STK4: variants seen among roughly 807,000 people sequenced by gnomAD.
STK4 encodes the protein serine/threonine kinase 4.
STK4 carries 30 observed loss-of-function variants against 64.9 expected under a neutral mutation model. That is an observed-to-expected ratio of 0.46 (90% CI 0.35 to 0.63). The LOEUF (loss-of-function observed/expected upper bound fraction) is 0.63, where lower values mean the gene tolerates loss of function less well. Ranked by LOEUF, STK4 falls within the 20% of genes least tolerant of loss-of-function variation. The pLI is 0.01. For synonymous variants in STK4, 177 were observed against 199.0 expected (o/e 0.89, Z 0.93); for missense variants, 466 against 598.5 (o/e 0.78, Z 2.31).
chr20:44,990,327 G>C (rs2067608686), intron 5 of STK4, among the ~76,000 whole-genome samples: 1 of 150,266 alleles, frequency 6.7e-6, no homozygotes, highest in Non-Finnish European at 1.5e-5. Context: ...CTTATTTTCA[G>C]ATTGTTCATT....
chr20:44,998,879 T>A (rs887453660), intron 7 of STK4, among the ~76,000 whole-genome samples: 2 of 152,104 alleles, frequency 1.3e-5, no homozygotes, highest in Non-Finnish European at 2.9e-5. Flanking sequence ...GAGACCAGCC[T>A]GGCCAACATG....
chr20:45,068,941 A>G (rs1979820424), intron 10 of STK4, among the ~76,000 whole-genome samples: 2 of 152,228 alleles, frequency 1.3e-5, no homozygotes, highest in Admixed American at 6.5e-5. Flanking sequence ...TAAACTAAAA[A>G]TATGTCTACT....
At chr20:44,984,577 T>A (rs560906095) in intron 4 of STK4, among the ~76,000 whole-genome samples, 144 of 152,302 alleles carry the variant, frequency 9.5e-4, no homozygotes, top group African/African-American at 3.2e-3. Flanking sequence ...TGATATCCAC[T>A]AGCCGCATGT....
In STK4 at chr20:44,972,273, T is replaced by G; in HGVS notation, c.116+115T>G. 4 of 869,368 alleles carry G rather than the reference T, an allele frequency of 4.6e-6. No homozygotes were observed. In the East Asian group the frequency reaches 7.5e-5, roughly 16 times the overall value. The allele number at this position is 869,368 out of a possible 1,614,324, so 53.9% of individuals were successfully genotyped here. A position where few individuals can be genotyped will look rare whatever the true frequency, so the allele number is the denominator to read the frequency against. On this transcript the variant is annotated intron_variant, in intron 2 of 10. Coordinates refer to ENST00000372806, the MANE Select transcript of STK4 (RefSeq NM_006282.5). The stretch of plus-strand genomic sequence containing the variant: ...GTTCTAGGTGGGGTGGAAGGTAAAT[T>G]TACAGCTTGTGATGTCCTTCTTCGC...
intron 7 of STK4, among the ~76,000 whole-genome samples, chr20:44,998,405 T>C (rs551306966): frequency 6.6e-5 from 10 of 152,332 alleles, no homozygotes; most frequent in African/African-American, 2.4e-4. Context: ...GTGTGTTACT[T>C]TGAACAATGT....
rs1980778732 is a variant in STK4 at position 45,079,916 on chromosome 20, C to G, written c.*4740C>G. ...TTCTTTTCTTCTTCCTATACCTCAT[C>G]ACGTTTGTTTTAAATAAACTGTCCT... On this transcript the variant is annotated 3_prime_UTR_variant, in exon 11 of 11. Transcript: ENST00000372806. The G allele has an allele frequency of 6.6e-6, 1 of 152,260 alleles. No homozygotes were observed. Among genetic ancestry groups the G allele is most frequent in the Non-Finnish European group, 1.5e-5 (1 of 68,022 alleles). The allele number at this position is 152,260 out of a possible 1,614,324, so 9.4% of individuals were successfully genotyped here. A position where few individuals can be genotyped will look rare whatever the true frequency, so the allele number is the denominator to read the frequency against.
chr20:45,072,061 C>T (rs554003314), intron 10 of STK4, among the ~76,000 whole-genome samples: 3 of 152,272 alleles, frequency 2.0e-5, no homozygotes, highest in South Asian at 4.1e-4. Context: ...CCATGCCCAG[C>T]GTGAATACCT....
intron 10 of STK4, among the ~76,000 whole-genome samples, chr20:45,056,679 C>T (rs1411453192): frequency 2.0e-5 from 3 of 152,152 alleles, no homozygotes; most frequent in Admixed American, 6.5e-5. Flanking sequence ...TTCACTTGCA[C>T]GCTTCCTCCT....
intron 9 of STK4, among the ~76,000 whole-genome samples, chr20:45,015,223 C>T (rs2068120084): frequency 1.3e-5 from 2 of 152,192 alleles, no homozygotes; most frequent in Admixed American, 1.3e-4. Context: ...TTTACTTCAA[C>T]ACCGTCCATC....
At chr20:45,002,059 TCTC>T (rs960966239) in intron 9 of STK4, among the ~76,000 whole-genome samples, 4 of 152,194 alleles carry the variant, frequency 2.6e-5, no homozygotes, top group African/African-American at 9.7e-5. Context: ...AGATTGCCCT[TCTC>T]CTCCCCTCCT....
intron 9 of STK4, among the ~76,000 whole-genome samples, chr20:45,019,099 GT>G (rs1303464479): frequency 1.3e-5 from 2 of 152,072 alleles, no homozygotes; most frequent in Non-Finnish European, 2.9e-5. Flanking sequence ...AGAATTCAGT[GT>G]TTTTTTAGGA....
chr20:45,004,414 T>C (rs962473977), intron 9 of STK4: 7 of 152,056 alleles, frequency 4.6e-5, no homozygotes, highest in Non-Finnish European at 1.0e-4. Flanking sequence ...ATTTTTTCTT[T>C]GTTTTTCTCC....
At chr20:44,967,113 T>A (rs1245802450) in intron 1 of STK4, 1 of 982,600 alleles carries the variant, frequency 1.0e-6, no homozygotes. Flanking sequence ...CGAGGAAAGG[T>A]TGAGGGTCTA....
At chr20:44,973,733 TG>T (rs2145634765) in intron 2 of STK4, among the ~76,000 whole-genome samples, 1 of 152,356 alleles carries the variant, frequency 6.6e-6, no homozygotes, top group African/African-American at 2.4e-5. Context: ...CTTACTATTT[TG>T]GAGGCTCACA....
In STK4 at chr20:45,024,904, T is replaced by C. The variant is rs188177428; in HGVS notation, c.1148-69T>C. 1.5e-4 allele frequency: 214 copies of C among 1,398,148 alleles called. No individual in the cohort carries two copies. In the African/African-American group the frequency reaches 2.8e-3, roughly 18 times the overall value. The allele number at this position is 1,398,148 out of a possible 1,614,324, so 86.6% of individuals were successfully genotyped here. ...AGAGATTGTAGCCCATCTGGAGATA[T>C]GTCTATTTATTAAACTTACCTAAAA... On this transcript the variant is annotated intron_variant, in intron 9 of 10. Transcript: ENST00000372806.
At chr20:44,982,861 A>AACAATAGTT (rs1176105866) in intron 4 of STK4, among the ~76,000 whole-genome samples, 1,947 of 152,308 alleles carry the variant, frequency 0.013, 41 homozygotes, top group African/African-American at 0.044. Flanking sequence ...AATTAATAGT[A>AACAATAGTT]ACTATTAATA....
At chr20:44,967,218 T>C (rs1366166263) in intron 1 of STK4, 1 of 985,260 alleles carries the variant, frequency 1.0e-6, no homozygotes, top group Non-Finnish European at 1.2e-6. Flanking sequence ...ATGTTCAGTG[T>C]CTTCCTAATG....
intron 10 of STK4, among the ~76,000 whole-genome samples, chr20:45,038,320 A>AAAATAT (rs1555820491): frequency 0.028 from 4,275 of 151,366 alleles, 183 homozygotes; most frequent in African/African-American, 0.093. Flanking sequence ...GACCTTTTAA[A>AAAATAT]AATTATAATA....
At chr20:45,067,266 A>C (rs1008878360) in intron 10 of STK4, among the ~76,000 whole-genome samples, 4 of 152,142 alleles carry the variant, frequency 2.6e-5, no homozygotes, top group African/African-American at 9.7e-5. Flanking sequence ...ATTCTTGGTC[A>C]CAACAAAACA....
Sources: gnomAD v4.1 joint callset for allele counts (sites outside exome capture counted in the v4.1 genomes callset) on GRCh38, gnomAD v4.1.1 for gene constraint, MANE v1.5 for transcripts, NCBI Gene and HGNC (gene_info 2026-07-23, HGNC 2026-07-21) for gene names.